The following ZFHX3 variants were observed in gnomAD, a reference collection of about 807,000 sequenced individuals.
ZFHX3 encodes zinc finger homeobox protein 3.
Under a neutral mutation model 279.1 loss-of-function variants are expected in ZFHX3, and 42 were observed. The observed-to-expected ratio is 0.15, with a 90% CI of 0.12 to 0.19. ZFHX3 has a LOEUF of 0.19. Among genes scored for constraint, ZFHX3 ranks in the 10% least tolerant of loss-of-function variants. The probability of loss-of-function intolerance (pLI) is 1.00; values close to 1 mark genes in which losing one functional copy is unlikely to be tolerated. For missense variants in ZFHX3, 4,981 were observed against 4,754.0 expected (o/e 1.05, Z -1.40); for synonymous variants, 2,293 against 1,957.8 (o/e 1.17, Z -4.52).
intron 3 of ZFHX3, among the ~76,000 whole-genome samples, chr16:73,376,424 T>C (rs1368974401): frequency 6.6e-6 from 1 of 152,234 alleles, no homozygotes; most frequent in Non-Finnish European, 1.5e-5. Flanking sequence ...CGTAGAATTT[T>C]TCAGCCATGT....
chr16:73,307,559 T>A (rs1383325872), intron 4 of ZFHX3, among the ~76,000 whole-genome samples: 1 of 152,184 alleles, frequency 6.6e-6, no homozygotes, highest in East Asian at 1.9e-4. Flanking sequence ...TTAACTTCAT[T>A]TTGTTCTGGT....
chr16:73,517,789 C>T (rs527594501), intron 2 of ZFHX3, among the ~76,000 whole-genome samples: 7 of 152,234 alleles, frequency 4.6e-5, no homozygotes, highest in South Asian at 2.1e-4. Flanking sequence ...TCAGGTACAG[C>T]GATGTACATC....
intron 1 of ZFHX3, among the ~76,000 whole-genome samples, chr16:73,846,917 A>T (rs1961463294): frequency 6.6e-6 from 1 of 152,064 alleles, no homozygotes; most frequent in Non-Finnish European, 1.5e-5. Flanking sequence ...TTTATTTTAA[A>T]CTTGTTTTTA....
chr16:73,107,636 T>G (rs1182322636), intron 7 of ZFHX3, among the ~76,000 whole-genome samples: 1 of 152,198 alleles, frequency 6.6e-6, no homozygotes, highest in African/African-American at 2.4e-5. Flanking sequence ...ATTTTGAGTC[T>G]TTATTCCCAT....
intron 1 of ZFHX3, among the ~76,000 whole-genome samples, chr16:73,818,982 G>C (rs1234641099): frequency 6.6e-6 from 1 of 152,088 alleles, no homozygotes; most frequent in Non-Finnish European, 1.5e-5. Context: ...ATCATAGATT[G>C]GTACTTTTGT....
chr16:73,427,496 C>T (rs1214566279), intron 3 of ZFHX3, among the ~76,000 whole-genome samples: 6 of 152,284 alleles, frequency 3.9e-5, no homozygotes, highest in Middle Eastern at 6.8e-3. Context: ...TAGCCTCTTC[C>T]CAGCTTGCAA....
At chr16:73,543,778 A>T (rs1297249040) in intron 2 of ZFHX3, among the ~76,000 whole-genome samples, 1 of 151,046 alleles carries the variant, frequency 6.6e-6, no homozygotes, top group Non-Finnish European at 1.5e-5. Flanking sequence ...GACTGTGAAT[A>T]AATGCGAGTG....
At chr16:72,857,428 T>C (rs897266041) in intron 4 of ZFHX3, among the ~76,000 whole-genome samples, 1 of 152,238 alleles carries the variant, frequency 6.6e-6, no homozygotes, top group African/African-American at 2.4e-5. Flanking sequence ...GGCTCATGCC[T>C]ATAATCCCAG....
rs200228851 is a variant in ZFHX3 at position 73,091,236 on chromosome 16, A to G, written c.-533+1999T>C. Among the ~76,000 whole-genome samples, 1,083 of 137,086 alleles carry G rather than the reference A, an allele frequency of 7.9e-3. 4 individuals carry two copies. Among genetic ancestry groups the G allele is most frequent in the Non-Finnish European group, 0.013 (831 of 64,420 alleles). 89.9% of individuals were successfully genotyped at this position (137,086 alleles called of 152,430 possible). On this transcript the variant is annotated intron_variant, in intron 8 of 17. Transcript: ENST00000641206. ...GGAAAAAAAAAAAAAGAAAGCGGGG[A>G]AAAAAAAAAAAGCAGTAAAGACCAC...
At chr16:73,364,027 G>A (rs1490178782) in intron 3 of ZFHX3, among the ~76,000 whole-genome samples, 2 of 152,136 alleles carry the variant, frequency 1.3e-5, no homozygotes, top group East Asian at 3.9e-4. Context: ...ACAAAAATTA[G>A]CCGGGCATGG....
At chr16:73,725,312 CA>C (rs1035405791) in intron 1 of ZFHX3, among the ~76,000 whole-genome samples, 1 of 152,176 alleles carries the variant, frequency 6.6e-6, no homozygotes, top group African/African-American at 2.4e-5. Flanking sequence ...GTCCTGGCCA[CA>C]AAAGGGCCCT....
At chr16:73,342,922 C>T (rs2016060805) in intron 3 of ZFHX3, among the ~76,000 whole-genome samples, 1 of 152,134 alleles carries the variant, frequency 6.6e-6, no homozygotes, top group African/African-American at 2.4e-5. Flanking sequence ...CCCAAGTGAC[C>T]TTCCAACAGA....
intron 7 of ZFHX3, among the ~76,000 whole-genome samples, chr16:72,800,601 G>A (rs1413137273): frequency 6.6e-6 from 1 of 152,122 alleles, no homozygotes; most frequent in Non-Finnish European, 1.5e-5. Context: ...GAGGAGGAGG[G>A]GAGTAAGAGT....
intron 1 of ZFHX3, among the ~76,000 whole-genome samples, chr16:73,696,009 C>T (rs531679854): frequency 3.3e-5 from 5 of 152,208 alleles, no homozygotes; most frequent in East Asian, 1.9e-4. Flanking sequence ...TTGGGTTCTC[C>T]ACAAAAGAGA....
chr16:73,821,055 G>A (rs1356319204), intron 1 of ZFHX3, among the ~76,000 whole-genome samples: 2 of 152,126 alleles, frequency 1.3e-5, no homozygotes, highest in African/African-American at 2.4e-5. Context: ...CCTTGCCAAG[G>A]CAACACAGTC....
At chr16:73,483,337 C>G (rs534010618) in intron 2 of ZFHX3, 25 of 412,142 alleles carry the variant, frequency 6.1e-5, no homozygotes, top group South Asian at 3.8e-4. Context: ...GAGTGAGAGA[C>G]AGAGAGAGAG....
At position 72,927,849 on chromosome 16, in the gene ZFHX3, A is replaced by C. The variant is rs529244375; in HGVS notation, c.3216+22620T>G. Among the ~76,000 whole-genome samples the C allele has an allele frequency of 9.2e-5, 14 of 152,022 alleles. No homozygotes were observed. In the East Asian group the frequency reaches 1.6e-3, roughly 17 times the overall value. On this transcript the variant is annotated intron_variant, in intron 3 of 9. Transcript: ENST00000268489. ...TACAAACTGAGGCATGTCGAAATCA[A>C]AGGGGATACCACATGACATAATTCG...
intron 1 of ZFHX3, among the ~76,000 whole-genome samples, chr16:73,814,060 T>C (rs1426039803): frequency 1.3e-5 from 2 of 152,226 alleles, no homozygotes; most frequent in Non-Finnish European, 2.9e-5. Context: ...CCCAGTTATT[T>C]CTCTTTGCAA....
At chr16:73,273,898 T>A (rs546082411) in intron 4 of ZFHX3, among the ~76,000 whole-genome samples, 1 of 152,262 alleles carries the variant, frequency 6.6e-6, no homozygotes, top group Non-Finnish European at 1.5e-5. Context: ...ATCCCAGCAC[T>A]TTGGGAGGCC....
Sources: gnomAD v4.1 joint callset for allele counts (sites outside exome capture counted in the v4.1 genomes callset) on GRCh38, gnomAD v4.1.1 for gene constraint, MANE v1.5 for transcripts, NCBI Gene and HGNC (gene_info 2026-07-23, HGNC 2026-07-21) for gene names.